CXCL13: variants seen among roughly 807,000 people sequenced by gnomAD.
The protein encoded by CXCL13 is C-X-C motif chemokine ligand 13, also known as C-X-C motif chemokine 13.
Under a neutral mutation model 12.2 loss-of-function variants are expected in CXCL13, and 7 were observed. The observed-to-expected ratio is 0.57, with a 90% confidence interval of 0.33 to 1.07. The LOEUF is 1.07. Among genes scored for constraint, CXCL13 ranks in the 50% least tolerant of loss-of-function variants. The probability of loss-of-function intolerance (pLI) is 0.04; values close to 1 mark genes in which losing one functional copy is unlikely to be tolerated. For synonymous variants in CXCL13, 47 were observed against 42.4 expected (o/e 1.11, Z -0.42); for missense variants, 113 against 127.4 (o/e 0.89, Z 0.55).
At chr4:77,534,120 G>A (rs191557680) in intron 1 of CXCL13, among the ~76,000 whole-genome samples, 156 of 152,280 alleles carry the variant, frequency 1.0e-3, no homozygotes, top group African/African-American at 2.9e-3. Context: ...CGTCTTCTGC[G>A]TTGCTCATGC....
At chr4:77,525,912 G>C (rs1220211497) in intron 1 of CXCL13, among the ~76,000 whole-genome samples, 2 of 117,098 alleles carry the variant, frequency 1.7e-5, no homozygotes, top group African/African-American at 1.1e-4. Flanking sequence ...TTTTTAAATT[G>C]TGGGTTTGTT....
intron 1 of CXCL13, among the ~76,000 whole-genome samples, chr4:77,579,397 C>T (rs1473810485): frequency 6.6e-6 from 1 of 152,170 alleles, no homozygotes; most frequent in African/African-American, 2.4e-5. Context: ...GGATGCAGGC[C>T]GTTTGCCTCC....
At chr4:77,570,748 T>TG (rs1560529302) in intron 1 of CXCL13, among the ~76,000 whole-genome samples, 1 of 151,998 alleles carries the variant, frequency 6.6e-6, no homozygotes, top group African/African-American at 2.4e-5. Context: ...TTGGTGGTCC[T>TG]ATAGTCAGAG....
chr4:77,604,133 C>T (rs539408881), upstream of CXCL13, among the ~76,000 whole-genome samples: 21 of 152,328 alleles, frequency 1.4e-4, no homozygotes, highest in African/African-American at 4.8e-4. Context: ...TCCTCGGGCT[C>T]TGCTTCAGCT....
At chr4:77,570,690 C>T (rs1726050831) in intron 1 of CXCL13, among the ~76,000 whole-genome samples, 2 of 152,106 alleles carry the variant, frequency 1.3e-5, no homozygotes, top group African/African-American at 2.4e-5. Context: ...GGAACTGGGG[C>T]TGCGCGCAGC....
chr4:77,597,715 G>A (rs1465593295), intron 1 of CXCL13, among the ~76,000 whole-genome samples: 3 of 152,086 alleles, frequency 2.0e-5, no homozygotes, highest in Non-Finnish European at 2.9e-5. Flanking sequence ...CTATTAGAAT[G>A]GTGGAAGTGC....
At chr4:77,549,606 T>C (rs1438200992) in intron 1 of CXCL13, among the ~76,000 whole-genome samples, 1 of 152,218 alleles carries the variant, frequency 6.6e-6, no homozygotes, top group African/African-American at 2.4e-5. Context: ...CAGCTGCAGT[T>C]CTTTTGGAGT....
intron 1 of CXCL13, among the ~76,000 whole-genome samples, chr4:77,533,106 G>A (rs1259992987): frequency 1.3e-5 from 2 of 152,186 alleles, no homozygotes; most frequent in Non-Finnish European, 2.9e-5. Context: ...GAGGAGGAGA[G>A]GTGCTCTGAT....
rs546453218 is a variant in CXCL13 at position 77,534,191 on chromosome 4, T to TAAAAAC, written c.-43+22414_-43+22419dup. 3.1e-3 allele frequency among the ~76,000 whole-genome samples: 462 copies of TAAAAAC among 150,624 alleles called. 3 individuals carry two copies. Among genetic ancestry groups the TAAAAAC allele is most frequent in the African/African-American group, 9.7e-3 (401 of 41,492 alleles). ...ATCTTGGTTCCACCTGGCAGTTTCTTAAAAACAAAAACAAAAGACATGCAA... is the reference window on the plus strand; with the variant it reads ...ATCTTGGTTCCACCTGGCAGTTTCTTAAAAACAAAAACAAAAACAAAAGACATGCAA... On this transcript the variant is annotated intron_variant, in intron 1 of 4. Transcript: ENST00000286758.
At chr4:77,539,573 G>T (rs1288984337) in intron 1 of CXCL13, among the ~76,000 whole-genome samples, 1 of 152,202 alleles carries the variant, frequency 6.6e-6, no homozygotes, top group African/African-American at 2.4e-5. Flanking sequence ...GTGTTTACTG[G>T]AGTTGTACAC....
At chr4:77,553,979 G>A (rs1430212702) in intron 1 of CXCL13, among the ~76,000 whole-genome samples, 1 of 152,158 alleles carries the variant, frequency 6.6e-6, no homozygotes, top group Non-Finnish European at 1.5e-5. Flanking sequence ...GTAACTATGT[G>A]AGATGATAGA....
intron 1 of CXCL13, among the ~76,000 whole-genome samples, chr4:77,573,623 T>A (rs996780930): frequency 7.9e-5 from 12 of 151,740 alleles, no homozygotes; most frequent in African/African-American, 2.4e-4. Context: ...TCTTTTATTT[T>A]AAAAAAAATT....
At chr4:77,531,592 G>A (rs557336932) in intron 1 of CXCL13, among the ~76,000 whole-genome samples, 1 of 152,160 alleles carries the variant, frequency 6.6e-6, no homozygotes, top group East Asian at 1.9e-4. Context: ...ATCAATTCCT[G>A]GATATCCTTG....
intron 1 of CXCL13, among the ~76,000 whole-genome samples, chr4:77,532,102 G>C (rs1724942591): frequency 6.6e-6 from 1 of 152,156 alleles, no homozygotes; most frequent in Non-Finnish European, 1.5e-5. Flanking sequence ...ATGTTAGCTG[G>C]TTATTTTGCT....
intron 1 of CXCL13, among the ~76,000 whole-genome samples, chr4:77,548,511 T>G (rs1725430968): frequency 6.6e-6 from 1 of 152,238 alleles, no homozygotes; most frequent in Non-Finnish European, 1.5e-5. Flanking sequence ...AGCAATACTG[T>G]GGCTATCATT....
chr4:77,559,440 G>A (rs893713264), intron 1 of CXCL13, among the ~76,000 whole-genome samples: 5 of 152,174 alleles, frequency 3.3e-5, no homozygotes, highest in African/African-American at 9.7e-5. Context: ...CATTGGATGT[G>A]GACGACCTTG....
At chr4:77,599,897 C>T (rs771670232) in intron 1 of CXCL13, among the ~76,000 whole-genome samples, 2 of 152,020 alleles carry the variant, frequency 1.3e-5, no homozygotes, top group Non-Finnish European at 2.9e-5. Context: ...AGCAGTGAAA[C>T]GGGAGGAAAG....
At chr4:77,597,185 T>C (rs546346469) in intron 1 of CXCL13, among the ~76,000 whole-genome samples, 1 of 152,302 alleles carries the variant, frequency 6.6e-6, no homozygotes, top group East Asian at 1.9e-4. Context: ...TAAAAAATGA[T>C]AGATTACTTA....
chr4:77,544,661 G>A (rs1294857668), intron 1 of CXCL13, among the ~76,000 whole-genome samples: 7 of 151,928 alleles, frequency 4.6e-5, no homozygotes, highest in South Asian at 4.2e-4. Context: ...TTGTCAGATG[G>A]GTAGATTGCA....
Sources: allele counts gnomAD v4.1 joint callset (sites outside exome capture counted in the v4.1 genomes callset), GRCh38; gene constraint gnomAD v4.1.1; transcripts MANE v1.5; gene names NCBI Gene and HGNC (gene_info 2026-07-23, HGNC 2026-07-21).